The following WNT2 variants were observed in gnomAD, a reference collection of about 807,000 sequenced individuals.
WNT2 encodes protein Wnt-2.
A neutral mutation model predicts 36.9 loss-of-function variants in WNT2; 12 were observed. The ratio of observed to expected loss-of-function variants is 0.33; its 90% CI spans 0.21 to 0.53. WNT2 has a LOEUF of 0.53. Among genes scored for constraint, WNT2 ranks in the 20% least tolerant of loss-of-function variants. The probability of loss-of-function intolerance (pLI) is 0.95; values close to 1 mark genes in which losing one functional copy is unlikely to be tolerated. For synonymous variants in WNT2, 163 were observed against 174.6 expected, an observed-to-expected ratio of 0.93 and a Z score of 0.52; for missense variants, 379 against 473.1, an observed-to-expected ratio of 0.80 and a Z score of 1.84.
chr7:117,297,509 T>C, intron 4 of WNT2, 103 bp downstream of exon 4: 1 of 1,402,480 alleles, frequency 7.1e-7, no homozygotes, highest in Admixed American at 2.0e-5. Context: ...TCGTGAGCTT[T>C]GAACCTAAAG....
intron 4 of WNT2, among the ~76,000 whole-genome samples, chr7:117,292,337 G>A (rs1794705136): frequency 6.6e-6 from 1 of 152,120 alleles, no homozygotes; most frequent in South Asian, 2.1e-4. Context: ...AAGTGGCACA[G>A]TGAGAAAGGT....
At chr7:117,307,309 T>C (rs1443232721) in intron 3 of WNT2, among the ~76,000 whole-genome samples, 1 of 152,220 alleles carries the variant, frequency 6.6e-6, no homozygotes, top group East Asian at 1.9e-4. Flanking sequence ...TAGTCCACAC[T>C]ACCACGTAAG....
intron 4 of WNT2, among the ~76,000 whole-genome samples, chr7:117,285,185 T>C (rs939305934): frequency 1.3e-5 from 2 of 152,250 alleles, no homozygotes; most frequent in African/African-American, 4.8e-5. Context: ...CATAAAGTTA[T>C]GTAAGAAACT....
chr7:117,309,576 T>C (rs1795083014), intron 3 of WNT2, among the ~76,000 whole-genome samples: 1 of 152,360 alleles, frequency 6.6e-6, no homozygotes, highest in Non-Finnish European at 1.5e-5. Context: ...GCAAACTGTA[T>C]AATAATGGTA....
At chr7:117,291,040 A>G (rs1003156948) in intron 4 of WNT2, among the ~76,000 whole-genome samples, 1 of 152,226 alleles carries the variant, frequency 6.6e-6, no homozygotes, top group African/African-American at 2.4e-5. Flanking sequence ...CAATCCCGGC[A>G]TTCATGAGCT....
rs189852186 is a variant in WNT2 at position 117,295,024 on chromosome 7, G to T, written c.853+2588C>A. Among the ~76,000 whole-genome samples, 354 of 152,324 alleles carry T rather than the reference G, an allele frequency of 2.3e-3. 3 individuals are homozygous for T. Among genetic ancestry groups the T allele is most frequent in the African/African-American group, 8.3e-3 (343 of 41,574 alleles). On this transcript the variant is annotated intron_variant, in intron 4 of 4. Coordinates refer to ENST00000265441, the MANE Select transcript of WNT2 (RefSeq NM_003391.3). ...GAGAATTGCTTGAGCCCAGGAGGCG[G>T]AGGTTGCAGTGAGCCAAAATTGTGC... is the stretch of plus-strand genomic sequence containing the variant.
At chr7:117,311,760 T>C (rs1393892674) in intron 3 of WNT2, among the ~76,000 whole-genome samples, 1 of 152,174 alleles carries the variant, frequency 6.6e-6, no homozygotes, top group African/African-American at 2.4e-5. Flanking sequence ...AAAGGAACTT[T>C]TATTAAGCAT....
At chr7:117,293,487 G>T (rs1794730266) in intron 4 of WNT2, among the ~76,000 whole-genome samples, 1 of 152,260 alleles carries the variant, frequency 6.6e-6, no homozygotes, top group Non-Finnish European at 1.5e-5. Flanking sequence ...AAAGAAAGAA[G>T]CAAAACCAAA....
rs1794546638 is a variant in WNT2, at chr7:117,284,356, G to T, written c.854-5972C>A. On this transcript the variant is annotated intron_variant, in intron 4 of 4. Transcript: ENST00000265441. The surrounding 1 kb of genome is among the most constrained non-coding windows in gnomAD (Gnocchi z 5.2). ...AATAAAATATAAGAACCAAGAGTATGTGTGTATGTGTGTGTGTTTTAATGA... is the reference window on the plus strand; with the variant it reads ...AATAAAATATAAGAACCAAGAGTATTTGTGTATGTGTGTGTGTTTTAATGA... Among the ~76,000 whole-genome samples the T allele has an allele frequency of 6.6e-6, 1 of 152,202 alleles. No individual in the cohort carries two copies. Among genetic ancestry groups the T allele is most frequent in the African/African-American group, 2.4e-5 (1 of 41,450 alleles).
intron 4 of WNT2, among the ~76,000 whole-genome samples, chr7:117,282,839 A>G (rs916844555): frequency 6.6e-6 from 1 of 152,218 alleles, no homozygotes; most frequent in African/African-American, 2.4e-5. Context: ...TTAGAGACCA[A>G]TACAGACTCT....
chr7:117,282,699 G>A (rs1794511747), intron 4 of WNT2, among the ~76,000 whole-genome samples: 1 of 152,166 alleles, frequency 6.6e-6, no homozygotes, highest in Admixed American at 6.5e-5. Flanking sequence ...TTGACCTTGA[G>A]GGCAACAGAA....
intron 4 of WNT2, among the ~76,000 whole-genome samples, chr7:117,288,894 A>G (rs571473774): frequency 6.6e-6 from 1 of 152,164 alleles, no homozygotes; most frequent in South Asian, 2.1e-4. Flanking sequence ...TTGGATGTGA[A>G]AAGTATTTTT....
At chr7:117,279,270 C>T (rs541164311) in intron 4 of WNT2, among the ~76,000 whole-genome samples, 1 of 152,196 alleles carries the variant, frequency 6.6e-6, no homozygotes, top group Non-Finnish European at 1.5e-5. Flanking sequence ...CATTATCAGA[C>T]AACAGAACAA....
At chr7:117,298,327 T>C (rs1794834069) in intron 3 of WNT2, among the ~76,000 whole-genome samples, 2 of 152,226 alleles carry the variant, frequency 1.3e-5, no homozygotes, top group African/African-American at 4.8e-5. Flanking sequence ...GTCCGAATCC[T>C]GCAATAAACC....
At chr7:117,286,856 C>G (rs1794590732) in intron 4 of WNT2, among the ~76,000 whole-genome samples, 1 of 152,164 alleles carries the variant, frequency 6.6e-6, no homozygotes, top group South Asian at 2.1e-4. Context: ...AAAGCATGTC[C>G]CATTAAATTA....
At chr7:117,310,234 C>T (rs779831736) in intron 3 of WNT2, among the ~76,000 whole-genome samples, 7 of 152,118 alleles carry the variant, frequency 4.6e-5, no homozygotes, top group Non-Finnish European at 1.0e-4. Context: ...CTTCCTCTTG[C>T]CTTCCCAGTG....
chr7:117,320,073 A>C (rs2116394297), intron 2 of WNT2, among the ~76,000 whole-genome samples: 1 of 152,362 alleles, frequency 6.6e-6, no homozygotes, highest in East Asian at 1.9e-4. Context: ...GCTAAATGGA[A>C]GGTGAAAAGT....
intron 2 of WNT2, 108 bp from the exon 3 acceptor site, chr7:117,315,456 T>A: frequency 8.5e-7 from 1 of 1,181,052 alleles, no homozygotes; most frequent in Non-Finnish European, 1.2e-6. Context: ...CCTTTGCCAC[T>A]AGACAACAAG....
At chr7:117,308,935 G>A (rs1350009297) in intron 3 of WNT2, among the ~76,000 whole-genome samples, 2 of 151,772 alleles carry the variant, frequency 1.3e-5, no homozygotes, top group African/African-American at 2.4e-5. Context: ...TGTAATCCTA[G>A]TACTTTGGGA....
Sources: allele counts gnomAD v4.1 joint callset (sites outside exome capture counted in the v4.1 genomes callset), GRCh38; gene constraint gnomAD v4.1.1; non-coding constraint Gnocchi (gnomAD v3.1); transcripts MANE v1.5; gene names NCBI Gene and HGNC (gene_info 2026-07-23, HGNC 2026-07-21).